Variants in COL14A1 observed in about 807,000 individuals in gnomAD.
COL14A1 encodes the protein collagen alpha-1(XIV) chain.
In COL14A1, 136 loss-of-function variants were observed where a neutral mutation model predicts 230.3. The observed-to-expected ratio is 0.59, with a 90% CI of 0.51 to 0.68. COL14A1 has a LOEUF of 0.68. Ranked by LOEUF, COL14A1 falls within the 30% of genes least tolerant of loss-of-function variation. COL14A1 has a pLI of 0.00. For missense variants in COL14A1, 1,976 were observed against 2,215.8 expected (o/e 0.89, Z 2.17); for synonymous variants, 792 against 784.1 (o/e 1.01, Z -0.17).
intron 33 of COL14A1, among the ~76,000 whole-genome samples, chr8:120,286,392 A>G (rs1820203337): frequency 6.6e-6 from 1 of 152,216 alleles, no homozygotes; most frequent in Non-Finnish European, 1.5e-5. Flanking sequence ...AACTGATTGC[A>G]CCAATACTTT....
chr8:120,208,143 A>C, intron 10 of COL14A1, 89 bp from the exon 11 acceptor site: 1 of 1,296,676 alleles, frequency 7.7e-7, no homozygotes, highest in South Asian at 1.6e-5. Context: ...TCAATGAAAT[A>C]TTTTTGCTGG....
At chr8:120,327,455 C>T (rs765873972) in intron 40 of COL14A1, among the ~76,000 whole-genome samples, 3 of 152,208 alleles carry the variant, frequency 2.0e-5, no homozygotes, top group Non-Finnish European at 4.4e-5. Flanking sequence ...TACCCTGCTT[C>T]CTTCACTGCC....
intron 12 of COL14A1, among the ~76,000 whole-genome samples, chr8:120,210,562 A>G (rs1243195905): frequency 6.6e-6 from 1 of 152,206 alleles, no homozygotes; most frequent in Non-Finnish European, 1.5e-5. Flanking sequence ...AATTTATTCC[A>G]TTTTAAATGA....
At chr8:120,126,034 T>A (rs868518939) in intron 1 of COL14A1, among the ~76,000 whole-genome samples, 6 of 152,142 alleles carry the variant, frequency 3.9e-5, no homozygotes, top group South Asian at 2.1e-4. Context: ...AGGTTGCGGT[T>A]TTGAGAGAGG....
At chr8:120,285,332 C>G (rs570548377) in intron 32 of COL14A1, among the ~76,000 whole-genome samples, 1 of 151,564 alleles carries the variant, frequency 6.6e-6, no homozygotes, top group South Asian at 2.1e-4. Flanking sequence ...GGCGTGGTGG[C>G]GGGTGCCTGT....
In COL14A1 at chr8:120,278,448, G is replaced by A; in HGVS notation, c.3351G>A (p.Lys1117=). 1 of 1,611,196 alleles carries A rather than the reference G, an allele frequency of 6.2e-7. No individual in the cohort carries two copies. Among genetic ancestry groups the A allele is most frequent in the Non-Finnish European group, 8.5e-7 (1 of 1,178,868 alleles). The stretch of plus-strand genomic sequence containing the variant: ...TCTTTGTTTCAGGAAAAGCAATTAA[G>A]TATGTTCGAGATACCTTGTTCACTG... ...GGNTKTGKAI[K]YVRDTLFTAE... The change falls in exon 28 of 48, where the codon AAG becomes AAA. Residue 1117 remains lysine (K), a synonymous_variant. Coordinates refer to ENST00000297848, the MANE Select transcript of COL14A1 (RefSeq NM_021110.4).
At chr8:120,309,033 C>T (rs747318954) in intron 36 of COL14A1, among the ~76,000 whole-genome samples, 3 of 152,202 alleles carry the variant, frequency 2.0e-5, no homozygotes, top group Non-Finnish European at 4.4e-5. Context: ...CTCCCAGGTT[C>T]ACGCCATTCT....
At chr8:120,317,509 G>A (rs1057158378) in intron 40 of COL14A1, among the ~76,000 whole-genome samples, 2 of 152,180 alleles carry the variant, frequency 1.3e-5, no homozygotes, top group African/African-American at 2.4e-5. Flanking sequence ...TGTGGAAGCA[G>A]CATCTAGAAA....
chr8:120,174,990 T>C (rs1423168265), intron 5 of COL14A1, among the ~76,000 whole-genome samples: 1 of 152,224 alleles, frequency 6.6e-6, no homozygotes, highest in Non-Finnish European at 1.5e-5. Context: ...GATCCACATT[T>C]AACTATACTG....
rs1414482371 is a variant in COL14A1, at chr8:120,369,541, AG to A, written c.5311+57del. 5 of 1,427,328 alleles carry A rather than the reference AG, an allele frequency of 3.5e-6. No homozygotes were observed. The Admixed American group carries it at 1.3e-4, about 37-fold the overall frequency. The allele number at this position is 1,427,328 out of a possible 1,614,324, so 88.4% of individuals were successfully genotyped here. A position where few individuals can be genotyped will look rare whatever the true frequency, so the allele number is the denominator to read the frequency against. ...CTTTGATCAATGTTTTAGTATGCTT[AG>A]TACCAAAATGGGAAGATAGTGCTAT... On this transcript the variant is annotated intron_variant, in intron 47 of 47. Coordinates refer to ENST00000297848, the MANE Select transcript of COL14A1 (RefSeq NM_021110.4).
chr8:120,271,043 A>G (rs1819651076), intron 26 of COL14A1, among the ~76,000 whole-genome samples: 1 of 151,832 alleles, frequency 6.6e-6, no homozygotes, highest in Non-Finnish European at 1.5e-5. Context: ...TTATGCAACA[A>G]TAAAAAAGAA....
chr8:120,178,819 T>C (rs1039131019), intron 5 of COL14A1, among the ~76,000 whole-genome samples: 2 of 152,230 alleles, frequency 1.3e-5, no homozygotes, highest in African/African-American at 4.8e-5. Flanking sequence ...TGAGTTTCTC[T>C]AATGACCAAT....
At chr8:120,236,408 A>G (rs200855189) in intron 19 of COL14A1, among the ~76,000 whole-genome samples, 24 of 148,304 alleles carry the variant, frequency 1.6e-4, no homozygotes, top group African/African-American at 6.0e-4. Flanking sequence ...TTGGCTTAAA[A>G]TCTGTTTTAT....
At chr8:120,212,154 G>C (rs1817631664) in intron 12 of COL14A1, among the ~76,000 whole-genome samples, 1 of 152,156 alleles carries the variant, frequency 6.6e-6, no homozygotes, top group Admixed American at 6.5e-5. Flanking sequence ...CTTCTCCTGG[G>C]GAGCATATAC....
chr8:120,214,908 T>G (rs1299256060), intron 13 of COL14A1, among the ~76,000 whole-genome samples: 1 of 152,150 alleles, frequency 6.6e-6, no homozygotes, highest in African/African-American at 2.4e-5. Flanking sequence ...AAACTGGCTA[T>G]GCGTATATCT....
chr8:120,133,049 C>T (rs1362330174), intron 1 of COL14A1, among the ~76,000 whole-genome samples: 1 of 152,014 alleles, frequency 6.6e-6, no homozygotes, highest in Non-Finnish European at 1.5e-5. Context: ...AACCCCGTCT[C>T]TACTAAAAAT....
rs539719845 is a variant in COL14A1, at chr8:120,225,544, G to A, written c.1864+330G>A. On this transcript the variant is annotated intron_variant, in intron 15 of 47. Transcript: ENST00000297848. ...ACATCCTTCTTCCATTCAAATGAGT[G>A]TGTGTATTAAGTTGAATTTCCAAAA... is the stretch of plus-strand genomic sequence containing the variant. Among the ~76,000 whole-genome samples, 3 of 152,210 alleles carry A rather than the reference G, an allele frequency of 2.0e-5. No homozygotes were observed. The South Asian group carries it at 6.2e-4, about 32-fold the overall frequency.
chr8:120,147,473 C>T (rs939952695), intron 1 of COL14A1, among the ~76,000 whole-genome samples: 2 of 152,134 alleles, frequency 1.3e-5, no homozygotes, highest in Non-Finnish European at 2.9e-5. Flanking sequence ...CTGGCAAGGA[C>T]ATTGGGATTG....
intron 36 of COL14A1, among the ~76,000 whole-genome samples, chr8:120,305,776 T>C (rs1434864808): frequency 6.6e-6 from 1 of 152,192 alleles, no homozygotes; most frequent in East Asian, 1.9e-4. Context: ...ATTTTTGCTT[T>C]TTTTGTATTC....
Sources: gnomAD v4.1 joint callset for allele counts (sites outside exome capture counted in the v4.1 genomes callset) on GRCh38, gnomAD v4.1.1 for gene constraint, MANE v1.5 for transcripts, NCBI Gene and HGNC (gene_info 2026-07-23, HGNC 2026-07-21) for gene names.